Variants in KCNJ6 observed in about 807,000 individuals in gnomAD.
KCNJ6 encodes potassium inwardly rectifying channel subfamily J member 6.
In KCNJ6, 9 loss-of-function variants were observed where a neutral mutation model predicts 34.2. That is an observed-to-expected ratio of 0.26 (90% CI 0.16 to 0.46). The LOEUF is 0.46. Among genes scored for constraint, KCNJ6 ranks in the 20% least tolerant of loss-of-function variants. KCNJ6 has a pLI of 1.00. For synonymous variants in KCNJ6, 196 were observed against 207.1 expected (o/e 0.95, Z 0.46); for missense variants, 236 against 531.3 (o/e 0.44, Z 5.46).
At chr21:37,643,437 G>C (rs1179321992) in intron 3 of KCNJ6, among the ~76,000 whole-genome samples, 3 of 152,126 alleles carry the variant, frequency 2.0e-5, no homozygotes, top group Non-Finnish European at 4.4e-5. Context: ...CTCCTGTTGT[G>C]GGCAAACTCA....
chr21:37,639,039 C>T (rs1447840001), intron 3 of KCNJ6, among the ~76,000 whole-genome samples: 1 of 152,210 alleles, frequency 6.6e-6, no homozygotes, highest in African/African-American at 2.4e-5. Context: ...CCTTATTTAG[C>T]CTGAGGGCTC....
intron 2 of KCNJ6, among the ~76,000 whole-genome samples, chr21:37,806,840 T>C (rs1429471318): frequency 2.0e-5 from 3 of 152,226 alleles, no homozygotes; most frequent in African/African-American, 4.8e-5. Flanking sequence ...TAAAAATAAC[T>C]AAACCTTAAA....
rs1308301211 is a variant in KCNJ6, at chr21:37,663,170, G to GT, written c.947-37687dup. 2.2e-4 allele frequency among the ~76,000 whole-genome samples: 33 copies of GT among 151,988 alleles called. 1 individual carries two copies. Among genetic ancestry groups the GT allele is most frequent in the Admixed American group, 2.2e-3 (33 of 15,258 alleles). On this transcript the variant is annotated intron_variant, in intron 3 of 3. Transcript: ENST00000609713. ...ATGTTTAAAGAAAGGCTTGACTTGT[G>GT]TTTTTTTAGTGGACGATGATGGGTA...
chr21:37,839,000 A>G (rs565203219), intron 2 of KCNJ6, among the ~76,000 whole-genome samples: 1 of 152,228 alleles, frequency 6.6e-6, no homozygotes, highest in East Asian at 1.9e-4. Context: ...TTTGCCCTTC[A>G]CCATGATTGT....
chr21:37,853,468 C>T (rs953602853), intron 1 of KCNJ6, among the ~76,000 whole-genome samples: 3 of 152,058 alleles, frequency 2.0e-5, no homozygotes, highest in African/African-American at 7.2e-5. Context: ...TCAAGGCACT[C>T]AGGCATTTTC....
At position 37,619,907 on chromosome 21, in the gene KCNJ6, G is replaced by A. The variant is rs2054285012; in HGVS notation, c.*5252C>T. 6.6e-6 allele frequency: 1 copy of A among 152,160 alleles called. No homozygotes were observed. Among genetic ancestry groups the A allele is most frequent in the South Asian group, 2.1e-4 (1 of 4,828 alleles). The allele number at this position is 152,160 out of a possible 1,614,324, so 9.4% of individuals were successfully genotyped here. A position where few individuals can be genotyped will look rare whatever the true frequency, so the allele number is the denominator to read the frequency against. ...TTTCTGAGTTGACCGCTAGATCCTG[G>A]CTGGCTGTTGACTCTATTTGCCACT... On this transcript the variant is annotated 3_prime_UTR_variant, in exon 4 of 4. Coordinates refer to ENST00000609713, the MANE Select transcript of KCNJ6 (RefSeq NM_002240.5).
chr21:37,853,647 T>G (rs1484110982), intron 1 of KCNJ6, among the ~76,000 whole-genome samples: 1 of 151,608 alleles, frequency 6.6e-6, no homozygotes, highest in Non-Finnish European at 1.5e-5. Flanking sequence ...TTTTCTTGAG[T>G]TTTCTAAATT....
At chr21:37,863,578 C>T (rs1473274390) in intron 1 of KCNJ6, among the ~76,000 whole-genome samples, 1 of 152,124 alleles carries the variant, frequency 6.6e-6, no homozygotes, top group Non-Finnish European at 1.5e-5. Flanking sequence ...TGGTTGATAT[C>T]TACAATCGTT....
chr21:37,818,259 G>C (rs1252871880), intron 2 of KCNJ6, among the ~76,000 whole-genome samples: 2 of 147,824 alleles, frequency 1.4e-5, no homozygotes, highest in Non-Finnish European at 3.0e-5. Flanking sequence ...CTGAATGCTG[G>C]GGCAGTTTCC....
intron 3 of KCNJ6, among the ~76,000 whole-genome samples, chr21:37,660,538 A>G (rs2054483431): frequency 6.6e-6 from 1 of 152,130 alleles, no homozygotes; most frequent in African/African-American, 2.4e-5. Flanking sequence ...TCCATTCCCT[A>G]CTATGGCCAC....
chr21:37,873,694 TTC>T (rs1404591195), intron 1 of KCNJ6, among the ~76,000 whole-genome samples: 2 of 152,102 alleles, frequency 1.3e-5, no homozygotes, highest in East Asian at 3.9e-4. Flanking sequence ...ACTCTCCCTG[TTC>T]TCTCTTCTTA....
intron 2 of KCNJ6, among the ~76,000 whole-genome samples, chr21:37,724,353 C>T (rs566775903): frequency 9.2e-5 from 14 of 152,188 alleles, no homozygotes; most frequent in African/African-American, 3.4e-4. Flanking sequence ...CCTTACAACA[C>T]GCACAACTAT....
chr21:37,851,357 T>C (rs7276410), intron 1 of KCNJ6, among the ~76,000 whole-genome samples: 27,902 of 152,192 alleles, frequency 0.18, 3,991 homozygotes, highest in East Asian at 0.46. Flanking sequence ...GCTTCTTCAA[T>C]CTCTCATCTG....
rs147508845 is a variant in KCNJ6, at chr21:37,873,999, C to G, written c.-27-33290G>C. Among the ~76,000 whole-genome samples the G allele has an allele frequency of 1.2e-3, 184 of 152,304 alleles. 1 individual carries two copies. Among genetic ancestry groups the G allele is most frequent in the African/African-American group, 4.2e-3 (173 of 41,564 alleles). Reference sequence around the variant, plus strand: ...CCCTCTTCAACTTCTATCTCCATTTCTCTGCTCACTTTCACAGCAGAACTC... The same window carrying G: ...CCCTCTTCAACTTCTATCTCCATTTGTCTGCTCACTTTCACAGCAGAACTC... On this transcript the variant is annotated intron_variant, in intron 1 of 3. Transcript: ENST00000609713.
intron 2 of KCNJ6, among the ~76,000 whole-genome samples, chr21:37,724,682 G>A (rs1012873992): frequency 2.6e-5 from 4 of 152,290 alleles, no homozygotes; most frequent in East Asian, 1.9e-4. Context: ...TCAGTTTAAA[G>A]TATCTGCAGA....
rs536512252 is a variant in KCNJ6 at position 37,913,682 on chromosome 21, GT to G, written c.-28+2201del. On this transcript the variant is annotated intron_variant, in intron 1 of 3. Transcript: ENST00000609713. ...AAAATACAAAAATTAGCCAGGTGTT[GT>G]GGTGTGCGCCTGTAATCCCAGCTAC... is the stretch of plus-strand genomic sequence containing the variant. 2.0e-4 allele frequency among the ~76,000 whole-genome samples: 31 copies of G among 152,292 alleles called. 1 individual carries two copies. The East Asian group carries it at 6.0e-3, about 29-fold the overall frequency.
chr21:37,771,927 G>A (rs577415124), intron 2 of KCNJ6, among the ~76,000 whole-genome samples: 5 of 152,238 alleles, frequency 3.3e-5, no homozygotes, highest in South Asian at 4.1e-4. Flanking sequence ...TCCAAAAAAC[G>A]AACAGAATAT....
chr21:37,650,207 C>T (rs1342374464), intron 3 of KCNJ6, among the ~76,000 whole-genome samples: 1 of 152,168 alleles, frequency 6.6e-6, no homozygotes, highest in African/African-American at 2.4e-5. Flanking sequence ...CGCCAGTTCC[C>T]TCTGCCCGCT....
intron 2 of KCNJ6, among the ~76,000 whole-genome samples, chr21:37,746,298 G>C (rs1467452213): frequency 6.6e-6 from 1 of 152,122 alleles, no homozygotes; most frequent in Non-Finnish European, 1.5e-5. Context: ...CAGTCCTTAG[G>C]TAGCAAATCA....
Sources: gnomAD v4.1 joint callset for allele counts (sites outside exome capture counted in the v4.1 genomes callset) on GRCh38, gnomAD v4.1.1 for gene constraint, MANE v1.5 for transcripts, NCBI Gene and HGNC (gene_info 2026-07-23, HGNC 2026-07-21) for gene names.